LMTK2: variants seen among roughly 807,000 people sequenced by gnomAD.
LMTK2 encodes the protein serine/threonine-protein kinase LMTK2.
Under a neutral mutation model 127.5 loss-of-function variants are expected in LMTK2, and 37 were observed. The observed-to-expected ratio is 0.29, with a 90% CI of 0.22 to 0.38. The LOEUF (loss-of-function observed/expected upper bound fraction) is 0.38. LMTK2 is among the 10% of genes least tolerant of loss of function. LMTK2 has a pLI of 1.00. For synonymous variants in LMTK2, 819 were observed against 810.1 expected (o/e 1.01, Z -0.19); for missense variants, 1,694 against 1,920.3 (o/e 0.88, Z 2.20).
intron 4 of LMTK2, 54 bp downstream of exon 4, chr7:98,151,509 G>A (rs1257535469): frequency 1.5e-6 from 2 of 1,370,860 alleles, no homozygotes; most frequent in African/African-American, 1.4e-5. Flanking sequence ...TGTGTTCAGT[G>A]CAGGGCTGAT....
In LMTK2 at chr7:98,209,306, G is replaced by T. The variant is rs1033970793; in HGVS notation, c.*3814G>T. 4.6e-5 allele frequency: 7 copies of T among 152,196 alleles called. No individual in the cohort carries two copies. Among genetic ancestry groups the T allele is most frequent in the African/African-American group, 1.7e-4 (7 of 41,432 alleles). The allele number at this position is 152,196 out of a possible 1,614,324, so 9.4% of individuals were successfully genotyped here. On this transcript the variant is annotated 3_prime_UTR_variant, in exon 14 of 14. Transcript: ENST00000297293. ...CAGCCTGTGAAGATCAGTTTGACCG[G>T]TGTGGACACGTGCTGGTTAAGCACT...
At chr7:98,181,461 G>C (rs1179174542) in intron 7 of LMTK2, among the ~76,000 whole-genome samples, 1 of 152,092 alleles carries the variant, frequency 6.6e-6, no homozygotes, top group Non-Finnish European at 1.5e-5. Context: ...ATTCTGAAGG[G>C]ACCTCAAATA....
At chr7:98,204,902 C>T (rs1029839391) in intron 13 of LMTK2, among the ~76,000 whole-genome samples, 3 of 152,204 alleles carry the variant, frequency 2.0e-5, no homozygotes, top group African/African-American at 7.2e-5. Context: ...GACTTGGGAC[C>T]AGCCCACATG....
chr7:98,170,092 CTAGT>C (rs1797161318), intron 6 of LMTK2, among the ~76,000 whole-genome samples: 1 of 152,204 alleles, frequency 6.6e-6, no homozygotes, highest in Non-Finnish European at 1.5e-5. Flanking sequence ...CCTTTCTTGA[CTAGT>C]TGGTAAGCCG....
intron 5 of LMTK2, 57 bp from the exon 6 acceptor site, chr7:98,159,281 A>C (rs1796977354): frequency 8.9e-7 from 1 of 1,126,628 alleles, no homozygotes; most frequent in Admixed American, 2.4e-5. Flanking sequence ...CTTTTGTTTG[A>C]ATAATGTTAT....
chr7:98,118,414 T>C (rs1296941607), intron 1 of LMTK2, among the ~76,000 whole-genome samples: 2 of 152,216 alleles, frequency 1.3e-5, no homozygotes, highest in Non-Finnish European at 2.9e-5. Flanking sequence ...AAAAGGTTTA[T>C]AGGCAACTCC....
At chr7:98,199,449 G>A (rs985923402) in intron 11 of LMTK2, among the ~76,000 whole-genome samples, 8 of 152,090 alleles carry the variant, frequency 5.3e-5, no homozygotes, top group Admixed American at 1.3e-4. Context: ...TTATCCTTTC[G>A]TAATGTCCTT....
At chr7:98,172,639 G>A (rs900432622) in intron 7 of LMTK2, among the ~76,000 whole-genome samples, 1 of 152,280 alleles carries the variant, frequency 6.6e-6, no homozygotes. Context: ...GGGAAACCAG[G>A]CAGTATTTCT....
rs1281694000 is a variant in LMTK2 at position 98,171,250 on chromosome 7, C to CT, written c.658-290dup. Among the ~76,000 whole-genome samples, 1 of 152,150 alleles carries CT rather than the reference C, an allele frequency of 6.6e-6. No homozygotes were observed. The highest frequency in any genetic ancestry group is 1.5e-5 in the Non-Finnish European group (1 of 68,032). On this transcript the variant is annotated intron_variant, in intron 6 of 13. Coordinates refer to ENST00000297293, the MANE Select transcript of LMTK2 (RefSeq NM_014916.4). The surrounding 1 kb of genome is among the most constrained non-coding windows in gnomAD (Gnocchi z 5.1). ...TCTCCTAGGTAACCTGGGAGTTTCT[C>CT]TAATTCTACACAGCATTTAGTTTAA...
intron 5 of LMTK2, among the ~76,000 whole-genome samples, chr7:98,157,656 A>T: frequency 6.6e-6 from 1 of 152,262 alleles, no homozygotes; most frequent in South Asian, 2.1e-4. Context: ...AAAAAAAAAA[A>T]AAAAATGAAC....
rs111820444 is a variant in LMTK2, at chr7:98,137,506, G to T, written c.231+64G>T. ...AATATGTTTTTCAATAGAATAACTG[G>T]ATAGCACAGTCCTTTGGGAACAGGA... On this transcript the variant is annotated intron_variant, in intron 2 of 13. Coordinates refer to ENST00000297293, the MANE Select transcript of LMTK2 (RefSeq NM_014916.4). 7.9e-5 allele frequency: 117 copies of T among 1,489,232 alleles called. 1 individual carries two copies. The African/African-American group carries it at 1.3e-3, about 16-fold the overall frequency. The allele number at this position is 1,489,232 out of a possible 1,614,324, so 92.3% of individuals were successfully genotyped here.
Position 98,207,937 on chromosome 7 carries a change from A to AATATAT in LMTK2, c.*2461_*2466dup, listed in dbSNP as rs35641448. 3 of 145,264 alleles carry AATATAT rather than the reference A, an allele frequency of 2.1e-5. No individual in the cohort carries two copies. Among genetic ancestry groups the AATATAT allele is most frequent in the Non-Finnish European group, 4.5e-5 (3 of 66,030 alleles). 9.0% of individuals were successfully genotyped at this position (145,264 alleles called of 1,614,324 possible). A position where few individuals can be genotyped will look rare whatever the true frequency, so the allele number is the denominator to read the frequency against. On this transcript the variant is annotated 3_prime_UTR_variant, in exon 14 of 14. Transcript: ENST00000297293. The stretch of plus-strand genomic sequence containing the variant: ...AACCTCGTCTCTACTAAAAATACAA[A>AATATAT]ATATATATATATATATATATACTAG...
At chr7:98,129,580 G>C (rs1158776635) in intron 1 of LMTK2, among the ~76,000 whole-genome samples, 1 of 150,570 alleles carries the variant, frequency 6.6e-6, no homozygotes, top group African/African-American at 2.4e-5. Context: ...TGCCCATGCT[G>C]GTCTTGAACT....
chr7:98,130,230 G>A (rs768457239), intron 1 of LMTK2, among the ~76,000 whole-genome samples: 5 of 152,126 alleles, frequency 3.3e-5, no homozygotes, highest in Admixed American at 1.3e-4. Flanking sequence ...GCCAGGCAAC[G>A]TTGGATGCTG....
At chr7:98,131,499 A>G (rs1431875193) in intron 1 of LMTK2, among the ~76,000 whole-genome samples, 1 of 151,584 alleles carries the variant, frequency 6.6e-6, no homozygotes, top group Non-Finnish European at 1.5e-5. Flanking sequence ...TGTTTCCTAT[A>G]CATTGACATT....
intron 1 of LMTK2, among the ~76,000 whole-genome samples, chr7:98,123,781 C>T (rs577927509): frequency 6.6e-6 from 1 of 151,988 alleles, no homozygotes; most frequent in Admixed American, 6.6e-5. Flanking sequence ...GAATTCTCTT[C>T]CTTCTCTTTG....
intron 5 of LMTK2, among the ~76,000 whole-genome samples, chr7:98,155,170 G>A (rs1283616055): frequency 6.6e-6 from 1 of 152,120 alleles, no homozygotes; most frequent in Admixed American, 6.6e-5. Context: ...GTGAGCAATT[G>A]CATCACGTTT....
intron 11 of LMTK2, among the ~76,000 whole-genome samples, chr7:98,200,466 C>G (rs867177186): frequency 3.7e-4 from 57 of 152,284 alleles, no homozygotes; most frequent in African/African-American, 1.3e-3. Flanking sequence ...ACAGTATTCT[C>G]GGGATGTAGA....
intron 7 of LMTK2, among the ~76,000 whole-genome samples, chr7:98,184,139 G>C (rs771911882): frequency 2.0e-5 from 3 of 152,150 alleles, no homozygotes; most frequent in Non-Finnish European, 4.4e-5. Flanking sequence ...CCCTTGACTT[G>C]GGGTTTTGTA....
Sources: gnomAD v4.1 joint callset for allele counts (sites outside exome capture counted in the v4.1 genomes callset) on GRCh38, gnomAD v4.1.1 for gene constraint, Gnocchi (gnomAD v3.1) non-coding constraint, MANE v1.5 for transcripts, NCBI Gene and HGNC (gene_info 2026-07-23, HGNC 2026-07-21) for gene names.